The following TASP1 variants were observed in gnomAD, a reference collection of about 807,000 sequenced individuals.
TASP1 encodes taspase 1.
Under a neutral mutation model 56.6 loss-of-function variants are expected in TASP1, and 16 were observed. That is an observed-to-expected ratio of 0.28 (90% CI 0.19 to 0.43). The LOEUF (loss-of-function observed/expected upper bound fraction) is 0.43. Among genes scored for constraint, TASP1 ranks in the 20% least tolerant of loss-of-function variants. The probability of loss-of-function intolerance (pLI) is 1.00; values close to 1 mark genes in which losing one functional copy is unlikely to be tolerated. For synonymous variants in TASP1, 179 were observed against 184.2 expected (o/e 0.97, Z 0.23); for missense variants, 393 against 511.6 (o/e 0.77, Z 2.24).
chr20:13,409,135 ATT>A (rs1423400004), intron 13 of TASP1, among the ~76,000 whole-genome samples: 8 of 152,098 alleles, frequency 5.3e-5, no homozygotes, highest in Admixed American at 1.3e-4. Context: ...ATTCTGATAT[ATT>A]GTTTTAATTA....
chr20:13,548,657 A>T (rs1364432618), intron 8 of TASP1, among the ~76,000 whole-genome samples: 1 of 152,150 alleles, frequency 6.6e-6, no homozygotes, highest in Non-Finnish European at 1.5e-5. Flanking sequence ...CTGCAACTCC[A>T]AGAAGGGAGT....
intron 13 of TASP1, among the ~76,000 whole-genome samples, chr20:13,404,876 T>C (rs1399354652): frequency 6.6e-6 from 1 of 152,218 alleles, no homozygotes; most frequent in African/African-American, 2.4e-5. Context: ...AATCCTTTGT[T>C]ACACATAAAA....
chr20:13,137,691 T>C, the TASP1 span, among the ~76,000 whole-genome samples: 2 of 152,162 alleles, frequency 1.3e-5, no homozygotes, highest in Admixed American at 6.5e-5. Context: ...TTTAAAAACA[T>C]AGATAAGTAA....
intron 4 of TASP1, among the ~76,000 whole-genome samples, chr20:13,591,865 A>AT (rs1406280985): frequency 6.6e-6 from 1 of 152,194 alleles, no homozygotes; most frequent in Non-Finnish European, 1.5e-5. Flanking sequence ...ATGAAGGCCT[A>AT]TAATATTAAT....
the TASP1 span, among the ~76,000 whole-genome samples, chr20:13,345,465 A>T: frequency 6.6e-6 from 1 of 152,192 alleles, no homozygotes; most frequent in Non-Finnish European, 1.5e-5. Flanking sequence ...CCTGGAGCCA[A>T]TCTAAGCATC....
the TASP1 span, among the ~76,000 whole-genome samples, chr20:13,259,038 T>C: frequency 0.026 from 3,996 of 152,184 alleles, 90 homozygotes; most frequent in Non-Finnish European, 0.039. Context: ...ATCCCAACAC[T>C]TTGGGAGGCC....
intron 13 of TASP1, among the ~76,000 whole-genome samples, chr20:13,416,781 A>T (rs1405767730): frequency 1.3e-5 from 2 of 152,230 alleles, no homozygotes; most frequent in Non-Finnish European, 2.9e-5. Flanking sequence ...TAAAATCCAC[A>T]AATCATGTTG....
the TASP1 span, among the ~76,000 whole-genome samples, chr20:13,111,327 A>C: frequency 6.6e-6 from 1 of 152,130 alleles, no homozygotes; most frequent in Admixed American, 6.5e-5. Flanking sequence ...CTCTAGACAT[A>C]GTAGTTCTCC....
chr20:13,346,604 C>T, the TASP1 span, among the ~76,000 whole-genome samples: 3 of 152,180 alleles, frequency 2.0e-5, no homozygotes, highest in Admixed American at 6.5e-5. Context: ...GCGCATCCAG[C>T]GATGGAAGGG....
chr20:13,599,203 A>G (rs1443175372), intron 4 of TASP1, among the ~76,000 whole-genome samples: 2 of 152,246 alleles, frequency 1.3e-5, no homozygotes, highest in East Asian at 3.8e-4. Context: ...ATTATAAATA[A>G]TGCTACTATA....
chr20:13,165,177 C>A, the TASP1 span: 1 of 236,656 alleles, frequency 4.2e-6, no homozygotes. Flanking sequence ...ACTGTGCAGA[C>A]CCTTTCAGGG....
intron 8 of TASP1, among the ~76,000 whole-genome samples, chr20:13,538,153 C>G (rs540397484): frequency 9.9e-5 from 15 of 152,208 alleles, no homozygotes; most frequent in South Asian, 6.2e-4. Context: ...AGGCACCCAC[C>G]ACCACACCCA....
chr20:13,610,810 C>G (rs73270721), intron 4 of TASP1, among the ~76,000 whole-genome samples: 79 of 152,244 alleles, frequency 5.2e-4, no homozygotes, highest in African/African-American at 1.8e-3. Context: ...CTACCTCCAA[C>G]AATTCTAATC....
chr20:13,374,601 G>C, the TASP1 span, among the ~76,000 whole-genome samples: 4 of 152,268 alleles, frequency 2.6e-5, no homozygotes, highest in South Asian at 8.3e-4. Flanking sequence ...GCCCGCCTCA[G>C]CCTCCCAAAG....
the TASP1 span, among the ~76,000 whole-genome samples, chr20:13,215,535 GGTCATTATGTTT>G: frequency 4.6e-5 from 7 of 152,186 alleles, no homozygotes; most frequent in African/African-American, 1.4e-4. Context: ...TGGAGGAGCA[GGTCATTATGTTT>G]TAATATCACA....
intron 8 of TASP1, among the ~76,000 whole-genome samples, chr20:13,556,532 A>G (rs555128646): frequency 1.3e-5 from 2 of 152,154 alleles, no homozygotes; most frequent in Admixed American, 1.3e-4. Flanking sequence ...AAATTCTTGA[A>G]TAAAATTATT....
the TASP1 span, among the ~76,000 whole-genome samples, chr20:13,146,214 G>T: frequency 6.6e-6 from 1 of 152,128 alleles, no homozygotes; most frequent in South Asian, 2.1e-4. Flanking sequence ...TTATAGGTGG[G>T]AGGTAAATGA....
intron 6 of TASP1, among the ~76,000 whole-genome samples, chr20:13,577,570 T>G (rs781060875): frequency 2.0e-5 from 3 of 152,074 alleles, no homozygotes; most frequent in Non-Finnish European, 4.4e-5. Flanking sequence ...AGGGCCCTCA[T>G]GATGTTATTA....
intron 10 of TASP1, among the ~76,000 whole-genome samples, chr20:13,487,720 C>A (rs955525955): frequency 3.3e-5 from 5 of 151,928 alleles, no homozygotes; most frequent in Non-Finnish European, 5.9e-5. Context: ...TACATACAAC[C>A]AAAAGGAAGA....
Sources: gnomAD v4.1 joint callset for allele counts (sites outside exome capture counted in the v4.1 genomes callset) on GRCh38, gnomAD v4.1.1 for gene constraint, MANE v1.5 for transcripts, NCBI Gene and HGNC (gene_info 2026-07-23, HGNC 2026-07-21) for gene names.